Variants in ATP10D observed in about 807,000 individuals in gnomAD.
ATP10D encodes the protein ATPase phospholipid transporting 10D (putative), also known as phospholipid-transporting ATPase VD.
Under a neutral mutation model 144.8 loss-of-function variants are expected in ATP10D, and 89 were observed. That is an observed-to-expected ratio of 0.61 (90% CI 0.52 to 0.73). The LOEUF is 0.73. ATP10D is among the 30% of genes least tolerant of loss of function. The pLI is 0.00. For synonymous variants in ATP10D, 571 were observed against 615.1 expected, an observed-to-expected ratio of 0.93 and a Z score of 1.06; for missense variants, 1,603 against 1,714.8, an observed-to-expected ratio of 0.93 and a Z score of 1.15.
At chr4:47,564,065 T>G (rs1045493241) in intron 15 of ATP10D, among the ~76,000 whole-genome samples, 3 of 152,200 alleles carry the variant, frequency 2.0e-5, no homozygotes, top group African/African-American at 7.2e-5. Context: ...CTAATTTTTG[T>G]ATTTTTAGTA....
In ATP10D at chr4:47,542,651, G is replaced by T. The variant is rs1718205545; in HGVS notation, c.1397-3973G>T. Reference sequence around the variant, plus strand: ...CGCCACCACACCCAGCTAATTTTGTGTATTTTTAGTAGAGATGGGGTTTCG... The same window carrying T: ...CGCCACCACACCCAGCTAATTTTGTTTATTTTTAGTAGAGATGGGGTTTCG... On this transcript the variant is annotated intron_variant, in intron 9 of 22. Transcript: ENST00000273859. 2.0e-5 allele frequency among the ~76,000 whole-genome samples: 3 copies of T among 151,598 alleles called. No individual in the cohort carries two copies. In the South Asian group the frequency reaches 6.2e-4, roughly 32 times the overall value.
At chr4:47,575,483 C>G (rs778164118) in intron 18 of ATP10D, among the ~76,000 whole-genome samples, 2 of 152,126 alleles carry the variant, frequency 1.3e-5, no homozygotes, top group African/African-American at 2.4e-5. Flanking sequence ...CCCTCAGTCC[C>G]AAGCAAGCTG....
intron 4 of ATP10D, among the ~76,000 whole-genome samples, chr4:47,524,743 T>A (rs1477365305): frequency 6.6e-6 from 1 of 152,202 alleles, no homozygotes; most frequent in Non-Finnish European, 1.5e-5. Context: ...AGTACCTACC[T>A]CATGGAGTTG....
chr4:47,542,731 G>A (rs1453554328), intron 9 of ATP10D, among the ~76,000 whole-genome samples: 7 of 152,084 alleles, frequency 4.6e-5, no homozygotes, highest in Non-Finnish European at 8.8e-5. Flanking sequence ...CACCCACCTC[G>A]GCCTCCCAAA....
Position 47,536,764 on chromosome 4 carries a change from G to C in ATP10D, c.1222G>C (p.Asp408His), listed in dbSNP as rs1486211873. 6.2e-7 allele frequency: 1 copy of C among 1,613,220 alleles called. No homozygotes were observed. Among genetic ancestry groups the C allele is most frequent in the Non-Finnish European group, 8.5e-7 (1 of 1,179,654 alleles). ...GQIYFIQSDVDFYNEKMDSIV... is the reference protein window; with the variant it reads ...GQIYFIQSDVHFYNEKMDSIV... ...AATATATTTCATTCAAAGTGATGTG[G>C]ATTTCTACAATGAAAAAATGGATTC... Residue 408 changes from aspartate to histidine, a missense_variant, in exon 9 of 23, where the codon GAT becomes CAT. Coordinates refer to ENST00000273859, the MANE Select transcript of ATP10D (RefSeq NM_020453.4).
chr4:47,528,202 G>T (rs1048193991), intron 5 of ATP10D, among the ~76,000 whole-genome samples: 1 of 152,000 alleles, frequency 6.6e-6, no homozygotes, highest in African/African-American at 2.4e-5. Flanking sequence ...CCCGAATGGT[G>T]AACGTTGTTT....
At chr4:47,497,387 C>T (rs146480694) in intron 1 of ATP10D, among the ~76,000 whole-genome samples, 26 of 152,004 alleles carry the variant, frequency 1.7e-4, no homozygotes, top group African/African-American at 5.8e-4. Flanking sequence ...CCGGGGAGAC[C>T]GATGTTGCAG....
At chr4:47,529,135 T>C (rs182686766) in intron 5 of ATP10D, among the ~76,000 whole-genome samples, 24 of 152,304 alleles carry the variant, frequency 1.6e-4, no homozygotes, top group African/African-American at 5.5e-4. Context: ...GTAGAAGCCA[T>C]TTATTTCAAT....
intron 2 of ATP10D, among the ~76,000 whole-genome samples, chr4:47,513,588 A>T (rs759321414): frequency 8.5e-5 from 13 of 152,194 alleles, no homozygotes; most frequent in Non-Finnish European, 1.3e-4. Context: ...CATATTTCAG[A>T]TGGAGGAAGG....
chr4:47,498,185 CTG>C (rs1715497589), intron 1 of ATP10D, among the ~76,000 whole-genome samples: 1 of 152,208 alleles, frequency 6.6e-6, no homozygotes, highest in African/African-American at 2.4e-5. Flanking sequence ...CGGAAATACT[CTG>C]TTCTTTCCAC....
chr4:47,519,525 G>A (rs1716841681), intron 3 of ATP10D, among the ~76,000 whole-genome samples: 1 of 152,222 alleles, frequency 6.6e-6, no homozygotes, highest in South Asian at 2.1e-4. Context: ...GAAAGGAAAT[G>A]TAGCCTTATG....
rs1242844315 is a variant in ATP10D, at chr4:47,498,577, A to G, written c.-38+13058A>G. ...AGCAAAGGAACCTACCTACTTCTTC[A>G]TGCAATAATACTTATTATACATTGA... On this transcript the variant is annotated intron_variant, in intron 1 of 22. Coordinates refer to ENST00000273859, the MANE Select transcript of ATP10D (RefSeq NM_020453.4). Among the ~76,000 whole-genome samples the G allele has an allele frequency of 5.9e-5, 9 of 152,364 alleles. No individual in the cohort carries two copies. The East Asian group carries it at 1.5e-3, about 26-fold the overall frequency.
At chr4:47,527,814 T>C (rs2109415389) in intron 5 of ATP10D, among the ~76,000 whole-genome samples, 1 of 152,260 alleles carries the variant, frequency 6.6e-6, no homozygotes, top group South Asian at 2.1e-4. Context: ...ACAACCACTT[T>C]GGAAAACAAT....
chr4:47,540,775 G>C (rs77146000), intron 9 of ATP10D, among the ~76,000 whole-genome samples: 2,083 of 152,150 alleles, frequency 0.014, 21 homozygotes, highest in Non-Finnish European at 0.022. Context: ...TCTGTCCCAG[G>C]ATCCTAGCTA....
chr4:47,548,645 A>G (rs1245115703), intron 10 of ATP10D, among the ~76,000 whole-genome samples: 1 of 152,208 alleles, frequency 6.6e-6, no homozygotes, highest in African/African-American at 2.4e-5. Flanking sequence ...CATTTGCCTT[A>G]TACTCCAATG....
At chr4:47,488,110 A>T (rs1038828560) in intron 1 of ATP10D, among the ~76,000 whole-genome samples, 1 of 152,216 alleles carries the variant, frequency 6.6e-6, no homozygotes, top group Non-Finnish European at 1.5e-5. Context: ...TATCTGTAAT[A>T]CAAAAAATGG....
At chr4:47,575,570 C>T (rs1338911570) in intron 18 of ATP10D, among the ~76,000 whole-genome samples, 1 of 152,162 alleles carries the variant, frequency 6.6e-6, no homozygotes, top group African/African-American at 2.4e-5. Flanking sequence ...AGAAAATGGA[C>T]ATTTGTGCTG....
chr4:47,535,100 G>C (rs1371618830), intron 5 of ATP10D, among the ~76,000 whole-genome samples: 1 of 152,036 alleles, frequency 6.6e-6, no homozygotes, highest in African/African-American at 2.4e-5. Flanking sequence ...ACTTATAAGT[G>C]GGAGCTAAAC....
At chr4:47,545,243 G>T (rs1440254032) in intron 9 of ATP10D, among the ~76,000 whole-genome samples, 1 of 152,196 alleles carries the variant, frequency 6.6e-6, no homozygotes, top group Non-Finnish European at 1.5e-5. Context: ...GGATTTTAGT[G>T]GGCATGTAGA....
Sources: allele counts gnomAD v4.1 joint callset (sites outside exome capture counted in the v4.1 genomes callset), GRCh38; gene constraint gnomAD v4.1.1; transcripts MANE v1.5; gene names NCBI Gene and HGNC (gene_info 2026-07-23, HGNC 2026-07-21).